ATP9B: variants seen among roughly 807,000 people sequenced by gnomAD.
ATP9B encodes probable phospholipid-transporting ATPase IIB.
A neutral mutation model predicts 146.1 loss-of-function variants in ATP9B; 110 were observed. That is an observed-to-expected ratio of 0.75 (90% CI 0.65 to 0.88). The LOEUF is 0.88. Ranked by LOEUF, ATP9B falls within the 40% of genes least tolerant of loss-of-function variation. The probability of loss-of-function intolerance (pLI) is 0.00; values close to 1 mark genes in which losing one functional copy is unlikely to be tolerated. For missense variants in ATP9B, 1,499 were observed against 1,496.4 expected, an observed-to-expected ratio of 1.00 and a Z score of -0.03; for synonymous variants, 604 against 569.7, an observed-to-expected ratio of 1.06 and a Z score of -0.86.
chr18:79,347,581 T>TG (rs936034551), intron 23 of ATP9B, among the ~76,000 whole-genome samples, 189 bp from the exon 24 acceptor site: 1 of 152,240 alleles, frequency 6.6e-6, no homozygotes, highest in African/African-American at 2.4e-5. Flanking sequence ...GGGCTGGTGC[T>TG]GGGGGCTCTT....
Position 79,126,263 on chromosome 18 carries a change from A to G in ATP9B, c.559-4A>G, listed in dbSNP as rs761346982. The G allele has an allele frequency of 6.2e-6, 10 of 1,600,188 alleles. No homozygotes were observed. Among genetic ancestry groups the G allele is most frequent in the Non-Finnish European group, 6.8e-6 (8 of 1,172,554 alleles). ...TTCTAAAAATACCTTATTTTGTTTT[A>G]TAGGGATTTGTCTTGGCTGTTACTA... On this transcript the variant is annotated splice_polypyrimidine_tract_variant and splice_region_variant and intron_variant, in intron 4 of 29. Transcript: ENST00000426216.
At chr18:79,257,033 C>T (rs1309023817) in intron 12 of ATP9B, among the ~76,000 whole-genome samples, 1 of 152,198 alleles carries the variant, frequency 6.6e-6, no homozygotes, top group African/African-American at 2.4e-5. Flanking sequence ...GGCGCAGGGG[C>T]TCACGCCTGT....
intron 8 of ATP9B, among the ~76,000 whole-genome samples, chr18:79,182,157 C>G (rs748951240): frequency 2.0e-5 from 3 of 152,190 alleles, no homozygotes; most frequent in Non-Finnish European, 4.4e-5. Flanking sequence ...GTTGCTAGAG[C>G]ATGATCCTGC....
At chr18:79,245,482 A>G (rs2095935463) in intron 11 of ATP9B, among the ~76,000 whole-genome samples, 1 of 152,206 alleles carries the variant, frequency 6.6e-6, no homozygotes, top group East Asian at 1.9e-4. Context: ...TGTTGTTACA[A>G]TGTTATCAAC....
At chr18:79,234,934 G>A (rs897028063) in intron 11 of ATP9B, among the ~76,000 whole-genome samples, 14 of 152,110 alleles carry the variant, frequency 9.2e-5, no homozygotes, top group African/African-American at 1.2e-4. Context: ...GTTCAGTGGC[G>A]CAGTCTAGGC....
intron 25 of ATP9B, among the ~76,000 whole-genome samples, chr18:79,356,049 A>C (rs1054837934): frequency 1.5e-4 from 23 of 152,198 alleles, no homozygotes; most frequent in African/African-American, 5.6e-4. Context: ...AAGCTCAGCC[A>C]TGAAGGGGCA....
chr18:79,102,795 G>C (rs2075377318), intron 2 of ATP9B, among the ~76,000 whole-genome samples: 1 of 152,096 alleles, frequency 6.6e-6, no homozygotes, highest in Non-Finnish European at 1.5e-5. Flanking sequence ...CGTTTTATTT[G>C]AAGATAATTT....
intron 9 of ATP9B, among the ~76,000 whole-genome samples, chr18:79,195,487 A>G (rs553372817): frequency 2.0e-5 from 3 of 152,354 alleles, no homozygotes; most frequent in African/African-American, 7.2e-5. Flanking sequence ...TCTAAAAGCA[A>G]GGAAAGAAAA....
intron 1 of ATP9B, among the ~76,000 whole-genome samples, chr18:79,070,378 A>G (rs2071586255): frequency 6.6e-6 from 1 of 152,218 alleles, no homozygotes; most frequent in Non-Finnish European, 1.5e-5. Context: ...TATAACGCTG[A>G]TTTGAGTGTT....
rs145210520 is a variant in ATP9B at position 79,329,434 on chromosome 18, T to G, written c.1935+132T>G. The G allele has an allele frequency of 3.6e-4, 397 of 1,100,486 alleles. 1 individual carries two copies. Among genetic ancestry groups the G allele is most frequent in the African/African-American group, 3.0e-3 (185 of 61,968 alleles). The allele number at this position is 1,100,486 out of a possible 1,614,324, so 68.2% of individuals were successfully genotyped here. Reference sequence around the variant, plus strand: ...TATGCTGTTACAGTTTTGTTTGTTTTTTTTTTTTAATGAAATCTAAGCTAA... The same window carrying G: ...TATGCTGTTACAGTTTTGTTTGTTTGTTTTTTTTAATGAAATCTAAGCTAA... On this transcript the variant is annotated intron_variant, in intron 16 of 29. Transcript: ENST00000426216.
intron 1 of ATP9B, among the ~76,000 whole-genome samples, chr18:79,092,306 G>A (rs1334223284): frequency 6.6e-6 from 1 of 152,076 alleles, no homozygotes; most frequent in Non-Finnish European, 1.5e-5. Context: ...TTGCTCCTAG[G>A]CTACAAACTT....
At chr18:79,315,937 A>C (rs1304129779) in intron 15 of ATP9B, among the ~76,000 whole-genome samples, 1 of 152,250 alleles carries the variant, frequency 6.6e-6, no homozygotes, top group Non-Finnish European at 1.5e-5. Flanking sequence ...TCACATTATT[A>C]GAGATTTTTG....
Position 79,377,580 on chromosome 18 carries a change from G to C in ATP9B, c.*197G>C, listed in dbSNP as rs1200186652. On this transcript the variant is annotated 3_prime_UTR_variant, in exon 30 of 30. Transcript: ENST00000426216. Reference sequence around the variant, plus strand: ...AGTGCAGGGACGTCACCCCTGCCAGGCAAGCCCAGGGCACAGATGCCAGGA... The same window carrying C: ...AGTGCAGGGACGTCACCCCTGCCAGCCAAGCCCAGGGCACAGATGCCAGGA... The C allele has an allele frequency of 4.3e-6, 3 of 691,234 alleles. No homozygotes were observed. The highest frequency in any genetic ancestry group is 7.1e-6 in the Non-Finnish European group (3 of 424,238). The allele number at this position is 691,234 out of a possible 1,614,324, so 42.8% of individuals were successfully genotyped here. A position where few individuals can be genotyped will look rare whatever the true frequency, so the allele number is the denominator to read the frequency against.
At chr18:79,216,995 C>G (rs1432094377) in intron 11 of ATP9B, among the ~76,000 whole-genome samples, 1 of 152,188 alleles carries the variant, frequency 6.6e-6, no homozygotes, top group African/African-American at 2.4e-5. Flanking sequence ...AGGCACTTGT[C>G]TAAAACTCTA....
chr18:79,310,912 A>G (rs1475310760), intron 15 of ATP9B, among the ~76,000 whole-genome samples: 1 of 149,292 alleles, frequency 6.7e-6, no homozygotes, highest in Non-Finnish European at 1.5e-5. Context: ...GCACTTTGGG[A>G]GGCTAAGCTG....
At chr18:79,309,899 A>T (rs950222383) in intron 15 of ATP9B, among the ~76,000 whole-genome samples, 1 of 152,186 alleles carries the variant, frequency 6.6e-6, no homozygotes, top group African/African-American at 2.4e-5. Context: ...GAAAATTAAG[A>T]TTCTTCACAA....
intron 4 of ATP9B, among the ~76,000 whole-genome samples, chr18:79,118,155 T>G (rs1186995604): frequency 1.5e-4 from 23 of 152,162 alleles, no homozygotes; most frequent in Admixed American, 1.5e-3. Flanking sequence ...TTATAAATAT[T>G]GTTAAACAAT....
Position 79,075,069 on chromosome 18 carries a change from A to G in ATP9B, c.119+5540A>G, listed in dbSNP as rs1293883869. 2.7e-5 allele frequency among the ~76,000 whole-genome samples: 4 copies of G among 149,892 alleles called. No homozygotes were observed. The South Asian group carries it at 8.4e-4, about 31-fold the overall frequency. ...TTCATCTTCCCTTGTGACTTTGTTT[A>G]TTCTTTTTAGAGTTTTTTTTTTTTT... is the stretch of plus-strand genomic sequence containing the variant. On this transcript the variant is annotated intron_variant, in intron 1 of 29. Coordinates refer to ENST00000426216, the MANE Select transcript of ATP9B (RefSeq NM_198531.5).
At chr18:79,202,074 C>T (rs1270568814) in intron 9 of ATP9B, among the ~76,000 whole-genome samples, 5 of 151,924 alleles carry the variant, frequency 3.3e-5, no homozygotes, top group African/African-American at 9.7e-5. Context: ...TATATATATA[C>T]GGAATTAGAG....
Sources: gnomAD v4.1 joint callset for allele counts (sites outside exome capture counted in the v4.1 genomes callset) on GRCh38, gnomAD v4.1.1 for gene constraint, MANE v1.5 for transcripts, NCBI Gene and HGNC (gene_info 2026-07-23, HGNC 2026-07-21) for gene names.